DNAH14: variants seen among roughly 807,000 people sequenced by gnomAD.
The protein encoded by DNAH14 is axonemal beta dynein heavy chain 14.
In DNAH14, 478 loss-of-function variants were observed where a neutral mutation model predicts 520.9. That is an observed-to-expected ratio of 0.92 (90% CI 0.85 to 0.99). DNAH14 has a LOEUF of 0.99. Ranked by LOEUF, DNAH14 falls within the 50% of genes least tolerant of loss-of-function variation. DNAH14 has a pLI of 0.00. For synonymous variants in DNAH14, 1,581 were observed against 1,757.2 expected (o/e 0.90, Z 2.51); for missense variants, 4,831 against 5,234.5 (o/e 0.92, Z 2.38).
intron 43 of DNAH14, among the ~76,000 whole-genome samples, chr1:225,245,268 G>C (rs897489796): frequency 6.6e-5 from 10 of 152,114 alleles, no homozygotes; most frequent in African/African-American, 2.4e-4. Context: ...TTCCACTTAT[G>C]TGATCAATTT....
chr1:225,381,664 A>G (rs1440251337), intron 81 of DNAH14, 85 bp downstream of exon 81: 3 of 1,044,588 alleles, frequency 2.9e-6, no homozygotes, highest in Non-Finnish European at 4.1e-6. Context: ...TAAATGGTGC[A>G]TCTGTGTGAT....
At chr1:225,212,433 G>A (rs1383952354) in intron 41 of DNAH14, among the ~76,000 whole-genome samples, 1 of 152,032 alleles carries the variant, frequency 6.6e-6, no homozygotes, top group Non-Finnish European at 1.5e-5. Context: ...TAATGGGATG[G>A]CTGGGTCAAA....
chr1:225,124,410 C>A (rs115184262), intron 27 of DNAH14, among the ~76,000 whole-genome samples: 1 of 152,158 alleles, frequency 6.6e-6, no homozygotes, highest in Admixed American at 6.5e-5. Flanking sequence ...CAAACTCTGC[C>A]GCTGCTTTAT....
chr1:225,353,918 T>C, intron 73 of DNAH14, 30 bp downstream of exon 73: 1 of 1,226,272 alleles, frequency 8.2e-7, no homozygotes, highest in Non-Finnish European at 1.1e-6. Flanking sequence ...AATATTAATA[T>C]TCTAAATATT....
chr1:225,340,486 C>G lies in DNAH14; in HGVS notation c.10463C>G (p.Pro3488Arg), dbSNP rs2095157361. The change falls in exon 69 of 86, where the codon CCC (proline) becomes CGC (arginine). Residue 3488 changes from proline (P) to arginine (R), a missense_variant. Transcript: ENST00000682510. ...TACTTATCTACAGAAATAGACAACC[C>G]CCATTTTCTTCCATCAGTTTATAAC... Reference protein sequence around the residue: ...RLYLSTEIDNPHFLPSVYNFV... With the variant: ...RLYLSTEIDNRHFLPSVYNFV... 6.4e-7 allele frequency: 1 copy of G among 1,550,832 alleles called. No homozygotes were observed. The highest frequency in any genetic ancestry group is 8.7e-7 in the Non-Finnish European group (1 of 1,146,494).
At chr1:225,192,272 A>G (rs971127838) in intron 37 of DNAH14, among the ~76,000 whole-genome samples, 3 of 152,140 alleles carry the variant, frequency 2.0e-5, no homozygotes, top group Non-Finnish European at 2.9e-5. Context: ...TGAGATACAT[A>G]AAACGAGACC....
chr1:225,318,767 T>C, intron 61 of DNAH14, 90 bp downstream of exon 61: 1 of 1,215,614 alleles, frequency 8.2e-7, no homozygotes, highest in Non-Finnish European at 1.1e-6. Flanking sequence ...TTTTAGCCTA[T>C]ATACTAAGCC....
chr1:225,165,749 A>G (rs1053691544), intron 35 of DNAH14, among the ~76,000 whole-genome samples: 4 of 151,570 alleles, frequency 2.6e-5, no homozygotes, highest in African/African-American at 9.7e-5. Context: ...ATTCCCAGCT[A>G]ATTTTTTTTA....
intron 8 of DNAH14, among the ~76,000 whole-genome samples, chr1:224,999,192 TTTTG>T (rs1035841781): frequency 6.6e-6 from 1 of 152,116 alleles, no homozygotes; most frequent in Non-Finnish European, 1.5e-5. Context: ...CCATGGATTT[TTTTG>T]TTTGTTTTTT....
rs933685560 is a variant in DNAH14, at chr1:225,304,825, A to G, written c.8824-83A>G. On this transcript the variant is annotated intron_variant, in intron 57 of 85. Transcript: ENST00000682510. ...CATCTCAGAAATAATAAGCTATTTT[A>G]ATTAATTCTAAGTGTTCAACTTTCT... 1.6e-5 allele frequency: 19 copies of G among 1,186,070 alleles called. No homozygotes were observed. In the African/African-American group the frequency reaches 2.8e-4, roughly 18 times the overall value. 73.5% of individuals were successfully genotyped at this position (1,186,070 alleles called of 1,614,324 possible). A position where few individuals can be genotyped will look rare whatever the true frequency, so the allele number is the denominator to read the frequency against.
At chr1:225,105,845 G>T (rs980681511) in intron 23 of DNAH14, among the ~76,000 whole-genome samples, 25 of 151,984 alleles carry the variant, frequency 1.6e-4, no homozygotes, top group African/African-American at 6.0e-4. Context: ...TATCCAATTT[G>T]CCAGTCTGTG....
rs1178679386 is a variant in DNAH14 at position 225,038,746 on chromosome 1, G to T, written c.1411G>T (p.Glu471Ter). 1 of 1,536,872 alleles carries T rather than the reference G, an allele frequency of 6.5e-7. No individual in the cohort carries two copies. The highest frequency in any genetic ancestry group is 2.1e-5 in the Admixed American group (1 of 47,774). Residue 471 changes from glutamate (E) to a stop codon, truncating the protein, a stop_gained, in exon 12 of 86, where the codon GAA becomes TAA. Transcript: ENST00000682510. LOFTEE classifies it high-confidence loss of function. ...PTGKTTNDCE[E>*]LVDNSKLHAI... is the part of the protein sequence containing the mutation. The stretch of plus-strand genomic sequence containing the variant: ...TGGAAAGACAACAAATGATTGTGAA[G>T]AACTTGTTGATAATTCAAAGTTACA...
At chr1:225,096,964 C>T (rs956915152) in intron 21 of DNAH14, among the ~76,000 whole-genome samples, 154 bp from the exon 22 acceptor site, 1 of 152,108 alleles carries the variant, frequency 6.6e-6, no homozygotes, top group Non-Finnish European at 1.5e-5. Context: ...AAACTAAATA[C>T]AATTAGATCT....
intron 84 of DNAH14, chr1:225,396,816 A>G (rs184080048): frequency 8.5e-5 from 13 of 152,346 alleles, no homozygotes; most frequent in Admixed American, 8.5e-4. Context: ...TTCAGAGGAA[A>G]AACCCATGTA....
At chr1:225,064,990 T>C (rs2070681240) in intron 17 of DNAH14, among the ~76,000 whole-genome samples, 1 of 152,056 alleles carries the variant, frequency 6.6e-6, no homozygotes, top group Non-Finnish European at 1.5e-5. Flanking sequence ...GTAGATACCC[T>C]GTCTGTACCA....
intron 15 of DNAH14, among the ~76,000 whole-genome samples, chr1:225,049,902 G>T (rs1324311062): frequency 6.6e-6 from 1 of 151,940 alleles, no homozygotes; most frequent in African/African-American, 2.4e-5. Context: ...CCTTGTAATG[G>T]TATAATGCTC....
chr1:225,099,128 G>T (rs1483317074), intron 22 of DNAH14, among the ~76,000 whole-genome samples: 1 of 152,146 alleles, frequency 6.6e-6, no homozygotes, highest in Non-Finnish European at 1.5e-5. Flanking sequence ...ATATTGGAAG[G>T]GTGCTTAAGA....
At chr1:225,145,197 A>T (rs1573482066) in intron 29 of DNAH14, 129 bp from the exon 30 acceptor site, 5 of 629,894 alleles carry the variant, frequency 7.9e-6, no homozygotes, top group Non-Finnish European at 1.3e-5. Flanking sequence ...TCTAAATTTG[A>T]TTTTTAATTC....
chr1:225,185,248 T>A (rs751608242), intron 36 of DNAH14, 43 bp from the exon 37 acceptor site: 1 of 1,528,576 alleles, frequency 6.5e-7, no homozygotes. Context: ...TTAATAAACT[T>A]AAAATCATTA....
Sources: allele counts gnomAD v4.1 joint callset (sites outside exome capture counted in the v4.1 genomes callset), GRCh38; gene constraint gnomAD v4.1.1; transcripts MANE v1.5; gene names NCBI Gene and HGNC (gene_info 2026-07-23, HGNC 2026-07-21).